Variants in ATP8A2 observed in about 807,000 individuals in gnomAD.
ATP8A2 encodes ATPase phospholipid transporting 8A2, also known as phospholipid-transporting ATPase IB.
ATP8A2 carries 100 observed loss-of-function variants against 165.6 expected under a neutral mutation model. The observed-to-expected ratio is 0.60, with a 90% CI of 0.51 to 0.71. The LOEUF (loss-of-function observed/expected upper bound fraction) is 0.71, where lower values mean the gene tolerates loss of function less well. ATP8A2 is among the 30% of genes least tolerant of loss of function. The pLI is 0.00. For synonymous variants in ATP8A2, 543 were observed against 548.8 expected (o/e 0.99, Z 0.15); for missense variants, 1,227 against 1,479.5 (o/e 0.83, Z 2.80).
At chr13:25,467,773 G>T (rs1052584856) in intron 1 of ATP8A2, among the ~76,000 whole-genome samples, 1 of 151,992 alleles carries the variant, frequency 6.6e-6, no homozygotes, top group African/African-American at 2.4e-5. Context: ...GGATGGTCTC[G>T]ATCTCCTGAC....
intron 2 of ATP8A2, among the ~76,000 whole-genome samples, chr13:25,515,014 A>AGTAGAGTG (rs777968048): frequency 1.1e-4 from 16 of 152,214 alleles, no homozygotes; most frequent in Non-Finnish European, 2.1e-4. Context: ...CATCTGTATC[A>AGTAGAGTG]GTAGAGTGAG....
chr13:25,668,266 T>A (rs2042195459), intron 24 of ATP8A2, among the ~76,000 whole-genome samples: 1 of 152,182 alleles, frequency 6.6e-6, no homozygotes, highest in Admixed American at 6.5e-5. Context: ...TGTCTTCATT[T>A]CTCCTTTATT....
At chr13:25,866,717 T>C (rs1311210520) in intron 33 of ATP8A2, among the ~76,000 whole-genome samples, 1 of 152,188 alleles carries the variant, frequency 6.6e-6, no homozygotes, top group Non-Finnish European at 1.5e-5. Flanking sequence ...AGCCCCAGCA[T>C]GTGAGCTTCA....
At chr13:25,563,180 T>C (rs61948640) in intron 15 of ATP8A2, among the ~76,000 whole-genome samples, 102,785 of 151,140 alleles carry the variant, frequency 0.68, 35,981 homozygotes, top group Middle Eastern at 0.72. Context: ...GAGGCCGAGG[T>C]GGGTGGATCA....
chr13:25,704,967 T>C (rs1253058171), intron 25 of ATP8A2, among the ~76,000 whole-genome samples: 8 of 152,174 alleles, frequency 5.3e-5, no homozygotes, highest in African/African-American at 1.9e-4. Context: ...TGCACGAAAG[T>C]TTTGCTTTTC....
intron 27 of ATP8A2, among the ~76,000 whole-genome samples, chr13:25,779,026 C>G (rs2044808647): frequency 2.6e-5 from 4 of 151,760 alleles, no homozygotes; most frequent in Non-Finnish European, 5.9e-5. Flanking sequence ...GGCACTGGAA[C>G]TGCAGTGCAA....
chr13:25,829,668 G>GTGTATATATATA (rs1312948758), intron 28 of ATP8A2, among the ~76,000 whole-genome samples: 3 of 63,422 alleles, frequency 4.7e-5, no homozygotes, highest in South Asian at 5.2e-4. Context: ...GACAGGTGTG[G>GTGTATATATATA]TATATATATA....
intron 35 of ATP8A2, among the ~76,000 whole-genome samples, chr13:25,973,476 C>A (rs1396657773): frequency 6.6e-6 from 1 of 152,158 alleles, no homozygotes; most frequent in Non-Finnish European, 1.5e-5. Context: ...AAAATAGGAA[C>A]AGAGCCTGAA....
At chr13:25,797,084 A>G (rs1285043071) in intron 27 of ATP8A2, among the ~76,000 whole-genome samples, 1 of 143,576 alleles carries the variant, frequency 7.0e-6, no homozygotes, top group African/African-American at 2.5e-5. Context: ...CCTGGCCAAC[A>G]TGGTGAAACC....
intron 27 of ATP8A2, among the ~76,000 whole-genome samples, chr13:25,789,278 C>T (rs1376878991): frequency 1.3e-5 from 2 of 152,136 alleles, no homozygotes; most frequent in Non-Finnish European, 2.9e-5. Flanking sequence ...ATGTAATTAA[C>T]TTGTTTCGAA....
At chr13:25,776,810 C>T (rs1371263082) in intron 27 of ATP8A2, among the ~76,000 whole-genome samples, 2 of 152,194 alleles carry the variant, frequency 1.3e-5, no homozygotes, top group Non-Finnish European at 2.9e-5. Context: ...TAGCTGCTGG[C>T]TTTCACGGTT....
chr13:25,398,471 G>A (rs977258638), intron 1 of ATP8A2, among the ~76,000 whole-genome samples: 2 of 152,138 alleles, frequency 1.3e-5, no homozygotes, highest in Admixed American at 6.5e-5. Context: ...CCATTCAGTC[G>A]GTTGGGGAGC....
At chr13:25,498,625 C>T (rs573589127) in intron 2 of ATP8A2, among the ~76,000 whole-genome samples, 1 of 152,292 alleles carries the variant, frequency 6.6e-6, no homozygotes, top group East Asian at 1.9e-4. Flanking sequence ...TATTAGATAG[C>T]ATGAATCTAG....
At chr13:25,931,127 C>A (rs1954759600) in intron 33 of ATP8A2, among the ~76,000 whole-genome samples, 1 of 152,188 alleles carries the variant, frequency 6.6e-6, no homozygotes, top group African/African-American at 2.4e-5. Context: ...TTTCTGAGAC[C>A]TGACAGGACG....
intron 27 of ATP8A2, among the ~76,000 whole-genome samples, chr13:25,789,272 A>G (rs1447628264): frequency 3.3e-5 from 5 of 152,234 alleles, no homozygotes; most frequent in African/African-American, 1.2e-4. Context: ...ACAATAATGT[A>G]ATTAACTTGT....
chr13:26,015,759 G>A (rs113078955), intron 36 of ATP8A2, among the ~76,000 whole-genome samples: 1,924 of 152,316 alleles, frequency 0.013, 46 homozygotes, highest in African/African-American at 0.044. Flanking sequence ...AAGCCAGCCA[G>A]GGAAAGTTCA....
chr13:25,899,863 C>T (rs1953681411), intron 33 of ATP8A2, among the ~76,000 whole-genome samples: 1 of 152,198 alleles, frequency 6.6e-6, no homozygotes, highest in Non-Finnish European at 1.5e-5. Flanking sequence ...TTCCAAAGCT[C>T]ACCCTGCCTC....
At chr13:25,551,949 G>A (rs577567605) in intron 11 of ATP8A2, among the ~76,000 whole-genome samples, 4 of 151,940 alleles carry the variant, frequency 2.6e-5, no homozygotes, top group African/African-American at 9.7e-5. Flanking sequence ...TCTTAAAGAA[G>A]CTAAAGGAAA....
rs111349647 is a variant in ATP8A2, at chr13:25,576,563, G to A, written c.1713-506G>A. Among the ~76,000 whole-genome samples, 1,087 of 150,484 alleles carry A rather than the reference G, an allele frequency of 7.2e-3. 15 individuals carry two copies. Among genetic ancestry groups the A allele is most frequent in the African/African-American group, 0.026 (1,052 of 40,928 alleles). ...ACGTGTGAGGAAGTGTAGATGCTGC[G>A]GTGAGGGGAGAGAGAGTTCCTTGGT... On this transcript the variant is annotated intron_variant, in intron 19 of 36. Transcript: ENST00000381655.
Sources: gnomAD v4.1 joint callset for allele counts (sites outside exome capture counted in the v4.1 genomes callset) on GRCh38, gnomAD v4.1.1 for gene constraint, MANE v1.5 for transcripts, NCBI Gene and HGNC (gene_info 2026-07-23, HGNC 2026-07-21) for gene names.